The following CHRM3 variants were observed in gnomAD, a reference collection of about 807,000 sequenced individuals.
CHRM3 encodes cholinergic receptor muscarinic 3.
CHRM3 carries 11 observed loss-of-function variants against 41.8 expected under a neutral mutation model. The ratio of observed to expected loss-of-function variants is 0.26; its 90% CI spans 0.17 to 0.44. CHRM3 has a LOEUF of 0.44. CHRM3 is among the 20% of genes least tolerant of loss of function. The probability of loss-of-function intolerance (pLI) is 1.00; values close to 1 mark genes in which losing one functional copy is unlikely to be tolerated. For synonymous variants in CHRM3, 297 were observed against 301.4 expected (o/e 0.99, Z 0.15); for missense variants, 571 against 745.4 (o/e 0.77, Z 2.72).
chr1:239,614,691 C>T (rs1001890081), intron 3 of CHRM3, among the ~76,000 whole-genome samples: 3 of 152,228 alleles, frequency 2.0e-5, no homozygotes, highest in Admixed American at 6.5e-5. Flanking sequence ...TTCCTTGGAA[C>T]TCAGATTTCC....
chr1:239,564,163 C>T (rs966812702), intron 3 of CHRM3, among the ~76,000 whole-genome samples: 22 of 151,988 alleles, frequency 1.4e-4, no homozygotes, highest in Non-Finnish European at 2.2e-4. Context: ...AAAACATGTA[C>T]GGTATTGAAT....
chr1:239,543,263 A>G (rs1007014309), intron 2 of CHRM3, among the ~76,000 whole-genome samples: 1 of 152,128 alleles, frequency 6.6e-6, no homozygotes, highest in Non-Finnish European at 1.5e-5. Flanking sequence ...GCCCGACATG[A>G]AGTGTGGCTG....
At chr1:239,822,991 AG>A (rs1558154066) in intron 5 of CHRM3, among the ~76,000 whole-genome samples, 1 of 152,234 alleles carries the variant, frequency 6.6e-6, no homozygotes, top group East Asian at 1.9e-4. Flanking sequence ...CTTCAAAGAA[AG>A]AAAGAAAGAC....
At chr1:239,453,218 C>T (rs549826571) in intron 1 of CHRM3, among the ~76,000 whole-genome samples, 14 of 152,312 alleles carry the variant, frequency 9.2e-5, no homozygotes, top group African/African-American at 3.4e-4. Context: ...GATAATTTGA[C>T]CTCTCCATTA....
intron 4 of CHRM3, among the ~76,000 whole-genome samples, chr1:239,635,543 G>A (rs995863088): frequency 6.6e-6 from 1 of 151,960 alleles, no homozygotes; most frequent in South Asian, 2.1e-4. Flanking sequence ...TCTCCTAACC[G>A]CTCTCTAAAT....
At chr1:239,891,303 C>A (rs1558214707) in intron 6 of CHRM3, among the ~76,000 whole-genome samples, 1 of 152,270 alleles carries the variant, frequency 6.6e-6, no homozygotes, top group Non-Finnish European at 1.5e-5. Flanking sequence ...AGCATTCAAC[C>A]TGCACTTAAT....
intron 5 of CHRM3, among the ~76,000 whole-genome samples, chr1:239,729,596 G>T (rs991977943): frequency 1.3e-5 from 2 of 151,948 alleles, no homozygotes; most frequent in African/African-American, 4.8e-5. Context: ...ACCACAATGA[G>T]CTGGACAACT....
rs948327783 is a variant in CHRM3 at position 239,387,091 on chromosome 1, G to A, written c.-657G>A. ...TGAACTGAAGGGCGGCTCCGGGCAG[G>A]GGGGCACGATCTTAAGGACAGTCGC... On this transcript the variant is annotated 5_prime_UTR_variant, in exon 1 of 7. Transcript: ENST00000676153. This position sits in a 1 kb window ranked among gnomAD's most constrained non-coding sequence, Gnocchi z 5.1. 28 of 152,054 alleles carry A rather than the reference G, an allele frequency of 1.8e-4. No individual in the cohort carries two copies. Among genetic ancestry groups the A allele is most frequent in the South Asian group, 4.1e-4 (2 of 4,826 alleles). The allele number at this position is 152,054 out of a possible 1,614,324, so 9.4% of individuals were successfully genotyped here. A position where few individuals can be genotyped will look rare whatever the true frequency, so the allele number is the denominator to read the frequency against.
At chr1:239,673,992 A>G (rs527450918) in intron 4 of CHRM3, among the ~76,000 whole-genome samples, 1 of 152,312 alleles carries the variant, frequency 6.6e-6, no homozygotes, top group South Asian at 2.1e-4. Context: ...AGGAAATGCT[A>G]CCTGGAGCAT....
rs780261877 is a variant in CHRM3, at chr1:239,908,104, C to T, written c.653C>T (p.Pro218Leu). 4 of 1,614,178 alleles carry T rather than the reference C, an allele frequency of 2.5e-6. No individual in the cohort carries two copies. Among genetic ancestry groups the T allele is most frequent in the Non-Finnish European group, 3.4e-6 (4 of 1,180,038 alleles). Residue 218 changes from proline (P) to leucine (L), a missense_variant, in exon 7 of 7, where the codon CCG becomes CTG. Physicochemically the swap from Pro to Leu is moderately conservative, Grantham distance 98. Around this residue, in one of 5 missense-constraint regions of CHRM3, gnomAD observed 153 missense variants for 296.3 expected, o/e 0.52. Transcript: ENST00000676153. This position sits in a 1 kb window ranked among gnomAD's most constrained non-coding sequence, Gnocchi z 7.2. ...QYFVGKRTVP[P>L]GECFIQFLSE... is the part of the protein sequence containing the mutation. The stretch of plus-strand genomic sequence containing the variant: ...TTTGTTGGAAAGAGAACTGTGCCTC[C>T]GGGAGAGTGCTTCATTCAGTTCCTC...
intron 6 of CHRM3, among the ~76,000 whole-genome samples, chr1:239,869,473 G>A (rs986632223): frequency 2.0e-5 from 3 of 152,126 alleles, no homozygotes; most frequent in Non-Finnish European, 2.9e-5. Flanking sequence ...TGTTCACCCT[G>A]TGGCCTACAG....
At position 239,618,672 on chromosome 1, in the gene CHRM3, G is replaced by A. The variant is rs186861325; in HGVS notation, c.-312-13552G>A. 3.7e-3 allele frequency among the ~76,000 whole-genome samples: 558 copies of A among 150,896 alleles called. 3 individuals are homozygous for A. The highest frequency in any genetic ancestry group is 0.024 in the Admixed American group (363 of 15,174). On this transcript the variant is annotated intron_variant, in intron 3 of 6. Coordinates refer to ENST00000676153, the MANE Select transcript of CHRM3 (RefSeq NM_001375978.1). ...ATCCTGGCTAACACGGTGAAACCCC[G>A]TCTCTACTAAAAATACAAAAAATTA...
At chr1:239,536,823 C>T (rs1025900890) in intron 2 of CHRM3, among the ~76,000 whole-genome samples, 1 of 152,088 alleles carries the variant, frequency 6.6e-6, no homozygotes, top group African/African-American at 2.4e-5. Flanking sequence ...ATTATGCATC[C>T]TAGTGGACGG....
At chr1:239,836,411 A>T (rs1673320112) in intron 6 of CHRM3, among the ~76,000 whole-genome samples, 2 of 152,172 alleles carry the variant, frequency 1.3e-5, no homozygotes, top group African/African-American at 4.8e-5. Context: ...GCAGAATATA[A>T]ATGTATTTCA....
At chr1:239,573,547 A>G (rs866260148) in intron 3 of CHRM3, among the ~76,000 whole-genome samples, 1 of 152,156 alleles carries the variant, frequency 6.6e-6, no homozygotes, top group Admixed American at 6.5e-5. Context: ...TTTAGTGTGC[A>G]TAGCCTATAT....
intron 4 of CHRM3, among the ~76,000 whole-genome samples, chr1:239,649,850 C>T (rs1313527662): frequency 2.0e-5 from 3 of 152,150 alleles, no homozygotes; most frequent in Non-Finnish European, 4.4e-5. Flanking sequence ...AGGCAGTCCT[C>T]AGATTATTAT....
chr1:239,672,146 G>GAA (rs1674436653), intron 4 of CHRM3, among the ~76,000 whole-genome samples: 1 of 152,130 alleles, frequency 6.6e-6, no homozygotes, highest in African/African-American at 2.4e-5. Flanking sequence ...TCAGTCAGAG[G>GAA]AAAGCCTTAC....
intron 1 of CHRM3, among the ~76,000 whole-genome samples, chr1:239,400,005 T>C (rs1157925286): frequency 6.6e-6 from 1 of 152,116 alleles, no homozygotes; most frequent in Non-Finnish European, 1.5e-5. Flanking sequence ...CTCGGTCTTC[T>C]GGTTCAAGCG....
chr1:239,907,325 T>A lies in CHRM3; in HGVS notation c.-19-108T>A. 2 of 764,184 alleles carry A rather than the reference T, an allele frequency of 2.6e-6. No homozygotes were observed. The highest frequency in any genetic ancestry group is 4.2e-6 in the Non-Finnish European group (2 of 475,494). 47.3% of individuals were successfully genotyped at this position (764,184 alleles called of 1,614,324 possible). On this transcript the variant is annotated intron_variant, in intron 6 of 6. Coordinates refer to ENST00000676153, the MANE Select transcript of CHRM3 (RefSeq NM_001375978.1). The surrounding 1 kb of genome is among the most constrained non-coding windows in gnomAD (Gnocchi z 5.4). ...ACTTGATGTTTGGCTTCATAGAGAT[T>A]CAGCACCCTGTAATAGGCCTTCCAT...
Sources: allele counts gnomAD v4.1 joint callset (sites outside exome capture counted in the v4.1 genomes callset), GRCh38; gene constraint gnomAD v4.1.1; regional missense constraint gnomAD v4.1.1; non-coding constraint Gnocchi (gnomAD v3.1); transcripts MANE v1.5; gene names NCBI Gene and HGNC (gene_info 2026-07-23, HGNC 2026-07-21).